The following UBE2E3 variants were observed in gnomAD, a reference collection of about 807,000 sequenced individuals.
The protein encoded by UBE2E3 is ubiquitin conjugating enzyme E2 E3.
UBE2E3 carries 5 observed loss-of-function variants against 23.6 expected under a neutral mutation model. The observed-to-expected ratio is 0.21, with a 90% CI of 0.11 to 0.44. The LOEUF (loss-of-function observed/expected upper bound fraction) is 0.44, where lower values mean the gene tolerates loss of function less well. Among genes scored for constraint, UBE2E3 ranks in the 20% least tolerant of loss-of-function variants. The probability of loss-of-function intolerance (pLI) is 0.99; values close to 1 mark genes in which losing one functional copy is unlikely to be tolerated. For synonymous variants in UBE2E3, 78 were observed against 87.5 expected, an observed-to-expected ratio of 0.89 and a Z score of 0.60; for missense variants, 81 against 249.8, an observed-to-expected ratio of 0.32 and a Z score of 4.55.
At position 180,980,920 on chromosome 2, in the gene UBE2E3, C is replaced by T. The variant is rs1215263191; in HGVS notation, c.-79C>T. 2.1e-5 allele frequency: 3 copies of T among 144,408 alleles called. No individual in the cohort carries two copies. Among genetic ancestry groups the T allele is most frequent in the Non-Finnish European group, 3.1e-5 (2 of 65,318 alleles). The allele number at this position is 144,408 out of a possible 1,614,324, so 8.9% of individuals were successfully genotyped here. A position where few individuals can be genotyped will look rare whatever the true frequency, so the allele number is the denominator to read the frequency against. On this transcript the variant is annotated 5_prime_UTR_variant, in exon 1 of 6. Transcript: ENST00000410062. The surrounding 1 kb of genome is among the most constrained non-coding windows in gnomAD (Gnocchi z 5.5). ...TTTCCTTAAGGAAGGGTTTTTTTCT[C>T]TCTCCCTCCCCCACACCGTAGCGGC... is the stretch of plus-strand genomic sequence containing the variant.
chr2:181,033,378 C>T (rs1318043822), intron 3 of UBE2E3, among the ~76,000 whole-genome samples: 2 of 152,070 alleles, frequency 1.3e-5, no homozygotes, highest in Non-Finnish European at 1.5e-5. Context: ...TAATACCACA[C>T]ATCTACAACT....
chr2:180,992,336 T>G (rs935911293), intron 3 of UBE2E3, among the ~76,000 whole-genome samples: 4 of 152,232 alleles, frequency 2.6e-5, no homozygotes, highest in African/African-American at 9.6e-5. Flanking sequence ...AACACAAGTA[T>G]TAAGTAATAC....
At chr2:181,049,365 A>G (rs1339107012) in intron 3 of UBE2E3, among the ~76,000 whole-genome samples, 4 of 152,056 alleles carry the variant, frequency 2.6e-5, no homozygotes, top group Non-Finnish European at 5.9e-5. Context: ...GTTATTCACA[A>G]TGTTGTTTAA....
intron 3 of UBE2E3, among the ~76,000 whole-genome samples, chr2:181,001,324 A>G (rs1385419836): frequency 1.3e-5 from 2 of 152,226 alleles, no homozygotes; most frequent in African/African-American, 2.4e-5. Flanking sequence ...AGTAGCCTCC[A>G]GAAAGTTGAG....
At chr2:180,994,269 G>T (rs1684760937) in intron 3 of UBE2E3, among the ~76,000 whole-genome samples, 1 of 151,974 alleles carries the variant, frequency 6.6e-6, no homozygotes, top group Admixed American at 6.6e-5. Flanking sequence ...CTTAATTTTG[G>T]AGAACTTGAA....
chr2:181,054,345 T>C (rs1418446632), intron 3 of UBE2E3, among the ~76,000 whole-genome samples: 4 of 151,910 alleles, frequency 2.6e-5, no homozygotes, highest in African/African-American at 7.2e-5. Context: ...TACCATTTTG[T>C]ATTCTCCACT....
rs193118657 is a variant in UBE2E3, at chr2:180,999,638, C to T, written c.245+15545C>T. 9.2e-5 allele frequency among the ~76,000 whole-genome samples: 14 copies of T among 151,846 alleles called. No homozygotes were observed. The East Asian group carries it at 2.7e-3, about 29-fold the overall frequency. On this transcript the variant is annotated intron_variant, in intron 3 of 5. Transcript: ENST00000410062. ...TATAGGCACCCTCCCGCCCTCCACC[C>T]CTCCCAAAAAAAAAGAAAACCAAAA...
chr2:181,022,462 A>G (rs1166922598), intron 3 of UBE2E3, among the ~76,000 whole-genome samples: 1 of 151,778 alleles, frequency 6.6e-6, no homozygotes, highest in Non-Finnish European at 1.5e-5. Flanking sequence ...TTAATACATA[A>G]CCATTTTATG....
At chr2:181,005,321 C>CA (rs1257511732) in intron 3 of UBE2E3, among the ~76,000 whole-genome samples, 3 of 152,180 alleles carry the variant, frequency 2.0e-5, no homozygotes, top group African/African-American at 7.2e-5. Flanking sequence ...TGAATCTTGG[C>CA]CCCAGTTTTT....
At chr2:181,051,300 C>T (rs1213239218) in intron 3 of UBE2E3, among the ~76,000 whole-genome samples, 1 of 151,716 alleles carries the variant, frequency 6.6e-6, no homozygotes, top group South Asian at 2.1e-4. Context: ...GTATAATTAT[C>T]TATTTCCTTA....
intron 3 of UBE2E3, among the ~76,000 whole-genome samples, chr2:181,006,348 G>A (rs1014036872): frequency 6.7e-6 from 1 of 149,348 alleles, no homozygotes; most frequent in Non-Finnish European, 1.5e-5. Flanking sequence ...CCTGTTCAAT[G>A]TATATGCATT....
intron 3 of UBE2E3, among the ~76,000 whole-genome samples, chr2:181,037,760 G>C (rs1273038793): frequency 6.6e-6 from 1 of 152,098 alleles, no homozygotes; most frequent in Non-Finnish European, 1.5e-5. Context: ...TTTGAGGCCA[G>C]AAGTTTGAGG....
chr2:181,059,322 A>G (rs1234085840), intron 4 of UBE2E3, among the ~76,000 whole-genome samples: 1 of 151,810 alleles, frequency 6.6e-6, no homozygotes, highest in Non-Finnish European at 1.5e-5. Flanking sequence ...AAATCTGCTC[A>G]TGAATGCTAT....
rs190345392 is a variant in UBE2E3 at position 180,987,943 on chromosome 2, A to G, written c.245+3850A>G. ...ACAAGATTCCTGGTGAATTGTATAT[A>G]TAAGTAGGTTTGAAAAGTGCTGGTA... On this transcript the variant is annotated intron_variant, in intron 3 of 5. Coordinates refer to ENST00000410062, the MANE Select transcript of UBE2E3 (RefSeq NM_006357.4). 2.7e-3 allele frequency among the ~76,000 whole-genome samples: 413 copies of G among 152,270 alleles called. 1 individual carries two copies. Among genetic ancestry groups the G allele is most frequent in the Non-Finnish European group, 4.2e-3 (289 of 68,006 alleles).
intron 3 of UBE2E3, among the ~76,000 whole-genome samples, chr2:181,004,439 C>G (rs1685084018): frequency 6.6e-6 from 1 of 152,050 alleles, no homozygotes; most frequent in Admixed American, 6.5e-5. Flanking sequence ...TCGGGACCAT[C>G]CTGGCCAGCA....
intron 3 of UBE2E3, among the ~76,000 whole-genome samples, chr2:180,993,365 T>G (rs866648439): frequency 6.6e-6 from 1 of 152,200 alleles, no homozygotes; most frequent in African/African-American, 2.4e-5. Context: ...GGACTAGTTA[T>G]GCCATTCCAA....
At chr2:181,016,623 C>T (rs1285610949) in intron 3 of UBE2E3, among the ~76,000 whole-genome samples, 1 of 152,156 alleles carries the variant, frequency 6.6e-6, no homozygotes, top group Non-Finnish European at 1.5e-5. Context: ...TGTTGACCCC[C>T]AAACTGATTC....
intron 3 of UBE2E3, among the ~76,000 whole-genome samples, chr2:181,052,499 C>T (rs1365000991): frequency 6.6e-6 from 1 of 151,884 alleles, no homozygotes; most frequent in African/African-American, 2.4e-5. Flanking sequence ...TCTTCGTTAA[C>T]CCAGCTGTTT....
chr2:181,016,161 G>A (rs777950060), intron 3 of UBE2E3, among the ~76,000 whole-genome samples: 3 of 151,954 alleles, frequency 2.0e-5, no homozygotes, highest in Non-Finnish European at 2.9e-5. Flanking sequence ...TTTTAACCCT[G>A]AATCTGCCAC....
Sources: allele counts gnomAD v4.1 joint callset (sites outside exome capture counted in the v4.1 genomes callset), GRCh38; gene constraint gnomAD v4.1.1; non-coding constraint Gnocchi (gnomAD v3.1); transcripts MANE v1.5; gene names NCBI Gene and HGNC (gene_info 2026-07-23, HGNC 2026-07-21).